BPIFB1: variants seen among roughly 807,000 people sequenced by gnomAD.
The protein encoded by BPIFB1 is BPI fold containing family B member 1.
BPIFB1 carries 34 observed loss-of-function variants against 55.1 expected under a neutral mutation model. That is an observed-to-expected ratio of 0.62 (90% CI 0.47 to 0.82). The LOEUF is 0.82. BPIFB1 is among the 40% of genes least tolerant of loss of function. BPIFB1 has a pLI of 0.00. For missense variants in BPIFB1, 532 were observed against 593.1 expected (o/e 0.90, Z 1.07); for synonymous variants, 236 against 245.3 (o/e 0.96, Z 0.35).
In BPIFB1 at chr20:33,304,979, A is replaced by C. The variant is rs184526067; in HGVS notation, c.1254+88A>C. The C allele has an allele frequency of 2.2e-4, 327 of 1,476,296 alleles. 1 individual carries two copies. The East Asian group carries it at 6.6e-3, about 30-fold the overall frequency. The allele number at this position is 1,476,296 out of a possible 1,614,324, so 91.4% of individuals were successfully genotyped here. On this transcript the variant is annotated intron_variant, in intron 13 of 15. Coordinates refer to ENST00000253354, the MANE Select transcript of BPIFB1 (RefSeq NM_033197.3). ...ACAGATATTGCCCAGGATTTGCTTC[A>C]AACAAGGTCCCCACAGAAGCACCAT...
At chr20:33,297,986 A>G (rs1345680575) in intron 7 of BPIFB1, among the ~76,000 whole-genome samples, 2 of 152,228 alleles carry the variant, frequency 1.3e-5, no homozygotes, top group Non-Finnish European at 2.9e-5. Flanking sequence ...CTGGGCACAT[A>G]GCAGGTGTCC....
rs1288520273 is a variant in BPIFB1 at position 33,290,000 on chromosome 20, AC to A, written c.365+12del. 4 of 1,608,732 alleles carry A rather than the reference AC, an allele frequency of 2.5e-6. No individual in the cohort carries two copies. The highest frequency in any genetic ancestry group is 3.4e-6 in the Non-Finnish European group (4 of 1,175,384). On this transcript the variant is annotated intron_variant, in intron 4 of 15. Coordinates refer to ENST00000253354, the MANE Select transcript of BPIFB1 (RefSeq NM_033197.3). ...GGTGGCTGGATTCAACACGTGAGTGACCCCTCCATCAAGTACAGTAGGCTTG... is the reference window on the plus strand; with the variant it reads ...GGTGGCTGGATTCAACACGTGAGTGACCCTCCATCAAGTACAGTAGGCTTG...
chr20:33,302,299 G>A lies in BPIFB1; in HGVS notation c.928-60G>A, dbSNP rs79555692. The A allele has an allele frequency of 1.5e-4, 231 of 1,555,428 alleles. 1 individual carries two copies. The African/African-American group carries it at 2.3e-3, about 15-fold the overall frequency. On this transcript the variant is annotated intron_variant, in intron 9 of 15. Transcript: ENST00000253354. The stretch of plus-strand genomic sequence containing the variant: ...GAAACCTTCCTCCCAGCAGTGGGGT[G>A]CAGGAGATGTGCCTCCCTGTGCCCT...
chr20:33,308,823 CACACAT>C (rs1981134114), intron 15 of BPIFB1, among the ~76,000 whole-genome samples: 1 of 151,060 alleles, frequency 6.6e-6, no homozygotes, highest in African/African-American at 2.4e-5. Flanking sequence ...ACACTACACA[CACACAT>C]ACACACACAC....
chr20:33,306,435 C>T (rs1981027836), intron 14 of BPIFB1, among the ~76,000 whole-genome samples: 1 of 152,230 alleles, frequency 6.6e-6, no homozygotes, highest in South Asian at 2.1e-4. Flanking sequence ...GCCTCAGTTT[C>T]TCCATCTGTA....
intron 15 of BPIFB1, among the ~76,000 whole-genome samples, chr20:33,308,771 C>T (rs1568655830): frequency 9.1e-6 from 1 of 109,428 alleles, no homozygotes; most frequent in African/African-American, 3.9e-5. Context: ...CACACACATA[C>T]ACACTACACA....
chr20:33,285,540 C>T (rs1186869505), intron 1 of BPIFB1, among the ~76,000 whole-genome samples: 8 of 151,192 alleles, frequency 5.3e-5, no homozygotes, highest in South Asian at 2.1e-4. Flanking sequence ...GGTGAAACCC[C>T]GTCTCTACTA....
chr20:33,285,708 ACT>A (rs1234716837), intron 1 of BPIFB1, among the ~76,000 whole-genome samples: 5 of 131,930 alleles, frequency 3.8e-5, no homozygotes, highest in African/African-American at 1.8e-4. Context: ...ACAGAGCGAG[ACT>A]CTGTCTCAAA....
At chr20:33,308,495 C>T (rs1250723172) in intron 15 of BPIFB1, among the ~76,000 whole-genome samples, 2 of 149,884 alleles carry the variant, frequency 1.3e-5, no homozygotes, top group Non-Finnish European at 3.0e-5. Flanking sequence ...CACATACATA[C>T]ACACGCACAT....
At chr20:33,305,961 A>G in intron 13 of BPIFB1, 41 bp from the exon 14 acceptor site, 1 of 1,608,262 alleles carries the variant, frequency 6.2e-7, no homozygotes, top group Non-Finnish European at 8.5e-7. Flanking sequence ...GGAACTTCAG[A>G]TGCTCAACCA....
At chr20:33,304,726 T>C in intron 12 of BPIFB1, 120 bp from the exon 13 acceptor site, 2 of 1,236,526 alleles carry the variant, frequency 1.6e-6, no homozygotes, top group Non-Finnish European at 2.4e-6. Context: ...CTTCATGTGG[T>C]TCACTGGAGC....
intron 13 of BPIFB1, among the ~76,000 whole-genome samples, chr20:33,305,510 G>A (rs1227800575): frequency 1.3e-5 from 2 of 151,786 alleles, no homozygotes; most frequent in South Asian, 4.2e-4. Flanking sequence ...GTAGAGACAG[G>A]GTTTCACCAT....
chr20:33,286,002 T>A, intron 1 of BPIFB1, 31 bp from the exon 2 acceptor site: 1 of 1,471,178 alleles, frequency 6.8e-7, no homozygotes, highest in Non-Finnish European at 9.5e-7. Flanking sequence ...CCTTGGCCCC[T>A]CTGCCTCAGG....
intron 6 of BPIFB1, among the ~76,000 whole-genome samples, chr20:33,297,136 G>C (rs1265391910): frequency 3.3e-5 from 5 of 152,200 alleles, no homozygotes; most frequent in Non-Finnish European, 5.9e-5. Flanking sequence ...GGCCAGGCTG[G>C]TCTCAAACTC....
intron 15 of BPIFB1, chr20:33,307,210 G>GTCAT (rs141478347): frequency 3.8e-4 from 199 of 523,318 alleles, no homozygotes; most frequent in East Asian, 1.1e-3. Flanking sequence ...CCACCCCCTT[G>GTCAT]TCATTCATTC....
In BPIFB1 at chr20:33,290,952, G is replaced by A. The variant is rs372862897; in HGVS notation, c.366-5G>A. The A allele has an allele frequency of 7.4e-5, 120 of 1,613,080 alleles. No individual in the cohort carries two copies. Among genetic ancestry groups the A allele is most frequent in the African/African-American group, 6.7e-5 (5 of 74,918 alleles). On this transcript the variant is annotated splice_polypyrimidine_tract_variant and splice_region_variant and intron_variant, in intron 4 of 15. Coordinates refer to ENST00000253354, the MANE Select transcript of BPIFB1 (RefSeq NM_033197.3). ...CTCACATGGTCAGGTGCCTCCACCC[G>A]CTAGGCCCCTGGTCAAGACCATCGT... is the stretch of plus-strand genomic sequence containing the variant.
In BPIFB1 at chr20:33,301,365, G is replaced by A; in HGVS notation, c.880G>A (p.Ala294Thr). 6.2e-7 allele frequency: 1 copy of A among 1,614,160 alleles called. No homozygotes were observed. The highest frequency in any genetic ancestry group is 1.1e-5 in the South Asian group (1 of 91,082). Residue 294 changes from alanine (A) to threonine (T), a missense_variant, in exon 9 of 16, where the codon GCT becomes ACT. Coordinates refer to ENST00000253354, the MANE Select transcript of BPIFB1 (RefSeq NM_033197.3). ...VSQDVVKAAVAAVLSPEEFMV... is the reference protein window; with the variant it reads ...VSQDVVKAAVTAVLSPEEFMV... ...TCAGGACGTGGTGAAAGCTGCAGTG[G>A]CTGCTGTGCTCTCTCCAGAAGAATT...
In BPIFB1 at chr20:33,306,980, T is replaced by C. The variant is rs1981050863; in HGVS notation, c.1388T>C (p.Leu463Pro). ...GGATTCGAGGCAGCTGAGTCCTCAC[T>C]GACCAAGGTGAGTGGGTGTGGCCCT... ...ALGFEAAESS[L>P]TKDALVLTPA... The change falls in exon 15 of 16, where the codon CTG (leucine) becomes CCG (proline). Residue 463 changes from leucine to proline, a missense_variant. Leu to Pro is a moderately conservative substitution (Grantham distance 98). Coordinates refer to ENST00000253354, the MANE Select transcript of BPIFB1 (RefSeq NM_033197.3). 3 of 1,613,914 alleles carry C rather than the reference T, an allele frequency of 1.9e-6. No individual in the cohort carries two copies. Among genetic ancestry groups the C allele is most frequent in the Non-Finnish European group, 2.5e-6 (3 of 1,179,728 alleles).
rs546163148 is a variant in BPIFB1 at position 33,290,963 on chromosome 20, G to A, written c.372G>A (p.Leu124=). 1.2e-6 allele frequency: 2 copies of A among 1,613,730 alleles called. No homozygotes were observed. Among genetic ancestry groups the A allele is most frequent in the South Asian group, 2.2e-5 (2 of 91,066 alleles). Residue 124 remains leucine (L), a synonymous_variant, in exon 5 of 16, where the codon CTG becomes CTA. Transcript: ENST00000253354. ...AGGTGCCTCCACCCGCTAGGCCCCT[G>A]GTCAAGACCATCGTGGAGTTCCACA... ...LDMVAGFNTP[L]VKTIVEFHMT...
Sources: gnomAD v4.1 joint callset for allele counts (sites outside exome capture counted in the v4.1 genomes callset) on GRCh38, gnomAD v4.1.1 for gene constraint, MANE v1.5 for transcripts, NCBI Gene and HGNC (gene_info 2026-07-23, HGNC 2026-07-21) for gene names.